TIAM2: variants seen among roughly 807,000 people sequenced by gnomAD.
TIAM2 encodes rho guanine nucleotide exchange factor TIAM2.
A neutral mutation model predicts 152.9 loss-of-function variants in TIAM2; 80 were observed. The ratio of observed to expected loss-of-function variants is 0.52; its 90% CI spans 0.44 to 0.63. The LOEUF is 0.63. TIAM2 is among the 30% of genes least tolerant of loss of function. TIAM2 has a pLI of 0.00. For synonymous variants in TIAM2, 804 were observed against 838.0 expected (o/e 0.96, Z 0.70); for missense variants, 1,965 against 2,120.1 (o/e 0.93, Z 1.44).
At chr6:155,021,417 G>A (rs148579386) in intron 1 of TIAM2, among the ~76,000 whole-genome samples, 2,065 of 152,038 alleles carry the variant, frequency 0.014, 30 homozygotes, top group African/African-American at 0.037. Context: ...GCCTGCCACC[G>A]TGCCCGGCTA....
In TIAM2 at chr6:155,257,575, T is replaced by C. The variant is rs977761055; in HGVS notation, c.*454T>C. On this transcript the variant is annotated 3_prime_UTR_variant, in exon 27 of 27. Transcript: ENST00000682666. ...GGCAAAATGTGCAGATACTTCATTT[T>C]TGTAAGATAGATTGTAATAGATGCT... The C allele has an allele frequency of 8.2e-6, 3 of 365,422 alleles. No individual in the cohort carries two copies. Among genetic ancestry groups the C allele is most frequent in the African/African-American group, 4.8e-5 (1 of 20,894 alleles). 22.6% of individuals were successfully genotyped at this position (365,422 alleles called of 1,614,324 possible). A position where few individuals can be genotyped will look rare whatever the true frequency, so the allele number is the denominator to read the frequency against.
chr6:155,112,797 C>A (rs542946088), intron 2 of TIAM2, among the ~76,000 whole-genome samples: 1 of 152,172 alleles, frequency 6.6e-6, no homozygotes, highest in Non-Finnish European at 1.5e-5. Context: ...GTCACTCACA[C>A]TTGCTTCCAC....
At chr6:155,191,527 C>T (rs900626393) in intron 14 of TIAM2, among the ~76,000 whole-genome samples, 8 of 152,254 alleles carry the variant, frequency 5.3e-5, no homozygotes, top group Admixed American at 1.3e-4. Context: ...CGCGGTGGCT[C>T]ATGCCTGTAA....
At chr6:155,066,795 G>A (rs543958866) in intron 1 of TIAM2, among the ~76,000 whole-genome samples, 59 of 151,898 alleles carry the variant, frequency 3.9e-4, no homozygotes, top group African/African-American at 1.2e-3. Flanking sequence ...TCGCTCTGTC[G>A]CCCAGGCTGG....
At chr6:155,113,519 G>A (rs1285215862) in intron 2 of TIAM2, among the ~76,000 whole-genome samples, 1 of 151,990 alleles carries the variant, frequency 6.6e-6, no homozygotes, top group African/African-American at 2.4e-5. Context: ...TCAGGAGTTC[G>A]AGACCAGCCT....
chr6:155,026,978 A>G (rs1398200026), intron 1 of TIAM2, among the ~76,000 whole-genome samples: 2 of 152,112 alleles, frequency 1.3e-5, no homozygotes, highest in African/African-American at 4.8e-5. Flanking sequence ...GCATGTCCAT[A>G]TAATTTGTGT....
At chr6:155,165,770 A>G (rs1780416357) in intron 9 of TIAM2, among the ~76,000 whole-genome samples, 1 of 152,148 alleles carries the variant, frequency 6.6e-6, no homozygotes, top group Non-Finnish European at 1.5e-5. Context: ...CCTGAGTGAC[A>G]GAGCGAGACC....
At chr6:155,090,126 C>T (rs183776033) in intron 1 of TIAM2, among the ~76,000 whole-genome samples, 163 bp from the exon 2 acceptor site, 1 of 152,190 alleles carries the variant, frequency 6.6e-6, no homozygotes, top group Admixed American at 6.5e-5. Context: ...ACCTTTTTTC[C>T]TTTATAGTTA....
chr6:155,057,246 C>T (rs952330775), intron 1 of TIAM2, among the ~76,000 whole-genome samples: 6 of 151,552 alleles, frequency 4.0e-5, no homozygotes, highest in African/African-American at 1.2e-4. Flanking sequence ...ACCATGTTGC[C>T]CAGGCTGGTT....
chr6:155,003,207 G>T (rs914804214), intron 1 of TIAM2, among the ~76,000 whole-genome samples: 2 of 151,964 alleles, frequency 1.3e-5, no homozygotes, highest in South Asian at 4.1e-4. Context: ...AATACATAAA[G>T]GTTGATCCGT....
chr6:155,127,481 GT>G lies in TIAM2; in HGVS notation c.-117-4del. Reference sequence around the variant, plus strand: ...CTTCACAGAGTTTTCTTGCGTTTCTGTTTTTCAGGCTCACTTCATGGACTCA... The same window carrying G: ...CTTCACAGAGTTTTCTTGCGTTTCTGTTTTCAGGCTCACTTCATGGACTCA... On this transcript the variant is annotated splice_polypyrimidine_tract_variant and splice_region_variant and intron_variant, in intron 2 of 26. Coordinates refer to ENST00000682666, the MANE Select transcript of TIAM2 (RefSeq NM_012454.4). The G allele has an allele frequency of 2.3e-6, 1 of 435,690 alleles. No individual in the cohort carries two copies. Among genetic ancestry groups the G allele is most frequent in the Admixed American group, 2.6e-5 (1 of 37,874 alleles). The allele number at this position is 435,690 out of a possible 1,614,324, so 27.0% of individuals were successfully genotyped here. A position where few individuals can be genotyped will look rare whatever the true frequency, so the allele number is the denominator to read the frequency against.
intron 14 of TIAM2, among the ~76,000 whole-genome samples, chr6:155,192,654 C>T (rs973480811): frequency 4.8e-5 from 7 of 145,988 alleles, no homozygotes; most frequent in African/African-American, 1.0e-4. Flanking sequence ...AAAAAAAAAA[C>T]TTAGTGAGTA....
chr6:155,240,991 G>A (rs574680346), intron 16 of TIAM2, among the ~76,000 whole-genome samples: 1 of 152,356 alleles, frequency 6.6e-6, no homozygotes, highest in Admixed American at 6.5e-5. Context: ...GCAATCTGTG[G>A]GAAGGGAGTC....
Position 155,165,349 on chromosome 6 carries a change from G to A in TIAM2, c.2301G>A (p.Ser767=), listed in dbSNP as rs145020439. 621 of 1,614,016 alleles carry A rather than the reference G, an allele frequency of 3.8e-4. No individual in the cohort carries two copies. Among genetic ancestry groups the A allele is most frequent in the Non-Finnish European group, 4.9e-4 (582 of 1,180,030 alleles). ...GAAACAAGAAGGGAATATTTTCTTC[G>A]TTAAAAGGGCTGGACACACTGGCCA... is the stretch of plus-strand genomic sequence containing the variant. ...RGRNKKGIFS[S]LKGLDTLARK... Residue 767 remains serine, a synonymous_variant, in exon 9 of 27, where the codon TCG becomes TCA. Transcript: ENST00000682666.
chr6:155,183,199 C>T (rs958534034), intron 13 of TIAM2, 38 bp from the exon 14 acceptor site: 1 of 1,596,324 alleles, frequency 6.3e-7, no homozygotes, highest in Non-Finnish European at 8.5e-7. Flanking sequence ...CACAGTAATC[C>T]CTCTCTCTTT....
intron 1 of TIAM2, among the ~76,000 whole-genome samples, chr6:155,021,155 T>C (rs191750801): frequency 4.7e-4 from 71 of 152,310 alleles, no homozygotes; most frequent in African/African-American, 1.7e-3. Flanking sequence ...GTTTTTCTAC[T>C]TTTTGGCTAC....
At chr6:155,197,321 T>G (rs898586633) in intron 14 of TIAM2, among the ~76,000 whole-genome samples, 5 of 152,262 alleles carry the variant, frequency 3.3e-5, no homozygotes, top group African/African-American at 1.2e-4. Context: ...TTTTGTGAAG[T>G]TTAGGCATCT....
At chr6:155,076,633 C>T (rs1370582556) in intron 1 of TIAM2, among the ~76,000 whole-genome samples, 6 of 152,120 alleles carry the variant, frequency 3.9e-5, no homozygotes, top group African/African-American at 7.2e-5. Flanking sequence ...GAAAATATAA[C>T]GTAGGTCAAA....
intron 12 of TIAM2, among the ~76,000 whole-genome samples, chr6:155,180,994 A>G (rs6909568): frequency 0.47 from 71,737 of 151,898 alleles, 17,007 homozygotes; most frequent in East Asian, 0.55. Flanking sequence ...TGTGGTTGCC[A>G]TTTGTGTTCA....
Sources: allele counts gnomAD v4.1 joint callset (sites outside exome capture counted in the v4.1 genomes callset), GRCh38; gene constraint gnomAD v4.1.1; transcripts MANE v1.5; gene names NCBI Gene and HGNC (gene_info 2026-07-23, HGNC 2026-07-21).